ESR2: variants seen among roughly 807,000 people sequenced by gnomAD.
The protein encoded by ESR2 is estrogen receptor 2.
ESR2 carries 36 observed loss-of-function variants against 49.6 expected under a neutral mutation model. The ratio of observed to expected loss-of-function variants is 0.73; its 90% CI spans 0.56 to 0.96. The LOEUF (loss-of-function observed/expected upper bound fraction) is 0.96. Ranked by LOEUF, ESR2 falls within the 40% of genes least tolerant of loss-of-function variation. ESR2 has a pLI of 0.00. For missense variants in ESR2, 714 were observed against 693.0 expected (o/e 1.03, Z -0.34); for synonymous variants, 320 against 266.1 (o/e 1.20, Z -1.97).
intron 4 of ESR2, among the ~76,000 whole-genome samples, chr14:64,265,166 A>G (rs2076303217): frequency 6.6e-6 from 1 of 152,158 alleles, no homozygotes; most frequent in Non-Finnish European, 1.5e-5. Context: ...TGGCTTTGAC[A>G]CTGTAACCTA....
At chr14:64,266,877 A>C (rs912402816) in intron 4 of ESR2, among the ~76,000 whole-genome samples, 2 of 152,092 alleles carry the variant, frequency 1.3e-5, no homozygotes, top group Non-Finnish European at 2.9e-5. Flanking sequence ...ACTTTCAACT[A>C]AACTTCCTCC....
chr14:64,320,668 G>T (rs768282958), intron 1 of ESR2, among the ~76,000 whole-genome samples: 1 of 152,108 alleles, frequency 6.6e-6, no homozygotes, highest in African/African-American at 2.4e-5. Context: ...TGAGGCAGGC[G>T]GATCACCTGA....
chr14:64,244,266 G>A (rs1040042967), intron 7 of ESR2, among the ~76,000 whole-genome samples: 1 of 152,136 alleles, frequency 6.6e-6, no homozygotes, highest in African/African-American at 2.4e-5. Flanking sequence ...CAGGCGTGGT[G>A]GCAGATGCCT....
At chr14:64,328,648 A>G (rs759378239) in intron 1 of ESR2, among the ~76,000 whole-genome samples, 105 of 152,202 alleles carry the variant, frequency 6.9e-4, no homozygotes, top group Non-Finnish European at 1.2e-3. Flanking sequence ...AAAGAGGTTT[A>G]TTTGGCTCAC....
chr14:64,281,711 G>A (rs2076672186), intron 2 of ESR2, among the ~76,000 whole-genome samples: 1 of 152,050 alleles, frequency 6.6e-6, no homozygotes, highest in African/African-American at 2.4e-5. Flanking sequence ...TTAATAATTA[G>A]ATGGAAATAA....
upstream of ESR2, chr14:64,297,557 T>C (rs1422589528): frequency 6.6e-6 from 1 of 152,306 alleles, no homozygotes; most frequent in Admixed American, 6.5e-5. Flanking sequence ...TGCGCTGCGA[T>C]TGGACAGCGC....
At chr14:64,246,037 C>G (rs1020030928) in intron 7 of ESR2, among the ~76,000 whole-genome samples, 1 of 152,164 alleles carries the variant, frequency 6.6e-6, no homozygotes, top group Non-Finnish European at 1.5e-5. Flanking sequence ...ATTCCATGAT[C>G]AATTTCAAAT....
intron 5 of ESR2, 124 bp downstream of exon 5, chr14:64,260,325 A>C: frequency 1.0e-6 from 1 of 973,952 alleles, no homozygotes; most frequent in Non-Finnish European, 1.7e-6. Flanking sequence ...TTACAAATCC[A>C]GCTGAGGACC....
At chr14:64,324,682 C>G (rs1448883206) in intron 1 of ESR2, among the ~76,000 whole-genome samples, 1 of 152,146 alleles carries the variant, frequency 6.6e-6, no homozygotes, top group Non-Finnish European at 1.5e-5. Context: ...GAATTTCCTG[C>G]TGAAGATCTT....
At chr14:64,334,702 A>C (rs1253578798) in intron 1 of ESR2, among the ~76,000 whole-genome samples, 2 of 152,228 alleles carry the variant, frequency 1.3e-5, no homozygotes, top group Non-Finnish European at 2.9e-5. Flanking sequence ...ACTACGGTGC[A>C]ATGGTGCGAT....
intron 4 of ESR2, among the ~76,000 whole-genome samples, chr14:64,262,321 C>T (rs2076240721): frequency 6.6e-6 from 1 of 151,960 alleles, no homozygotes; most frequent in African/African-American, 2.4e-5. Context: ...CACCATGTTG[C>T]CCAGGCTGGT....
chr14:64,319,781 T>C (rs557255013), intron 1 of ESR2, among the ~76,000 whole-genome samples: 1 of 152,322 alleles, frequency 6.6e-6, no homozygotes, highest in South Asian at 2.1e-4. Context: ...CAACACCAAA[T>C]GCTGGTGAGG....
intron 1 of ESR2, among the ~76,000 whole-genome samples, chr14:64,312,284 A>G (rs918069156): frequency 4.6e-5 from 7 of 152,216 alleles, no homozygotes; most frequent in Middle Eastern, 6.3e-3. Context: ...CAAGCATGAA[A>G]TTAGGAAAAA....
In ESR2 at chr14:64,280,005, C is replaced by A. The variant is rs1450198518; in HGVS notation, c.511G>T (p.Ala171Ser). The change falls in exon 3 of 9, where the codon GCC becomes TCC. Residue 171 changes from alanine (A) to serine (S), a missense_variant. Ala to Ser is a moderately conservative substitution (Grantham distance 99). Transcript: ENST00000341099. Reference sequence around the variant, plus strand: ...CCTTGAATGCTTCTTTTAAAAAAGGCCTTACATCCTTCACACGACCAGACT... The same window carrying A: ...CCTTGAATGCTTCTTTTAAAAAAGGACTTACATCCTTCACACGACCAGACT... ...YGVWSCEGCKAFFKRSIQGHN... is the reference protein window; with the variant it reads ...YGVWSCEGCKSFFKRSIQGHN... The A allele has an allele frequency of 1.2e-6, 2 of 1,613,944 alleles. No homozygotes were observed. The highest frequency in any genetic ancestry group is 1.7e-6 in the Non-Finnish European group (2 of 1,179,950).
At chr14:64,296,314 G>A (rs889989469), upstream of ESR2, among the ~76,000 whole-genome samples, 3 of 152,178 alleles carry the variant, frequency 2.0e-5, no homozygotes, top group Non-Finnish European at 4.4e-5. Flanking sequence ...GGCTCACAGA[G>A]CTTCTGTCAG....
intron 4 of ESR2, among the ~76,000 whole-genome samples, chr14:64,264,876 C>CAAAAAAAA (rs5809224): frequency 8.4e-6 from 1 of 119,332 alleles, no homozygotes. Context: ...TACCCTGTCT[C>CAAAAAAAA]AAAAAAAAAA....
At chr14:64,249,782 A>C (rs566230741) in intron 6 of ESR2, 103 bp from the exon 7 acceptor site, 11 of 1,176,878 alleles carry the variant, frequency 9.3e-6, no homozygotes, top group Admixed American at 4.4e-5. Context: ...ATCTTGTAAC[A>C]TGTTCATCTG....
chr14:64,293,519 G>A (rs1252473967), intron 1 of ESR2, among the ~76,000 whole-genome samples: 3 of 152,208 alleles, frequency 2.0e-5, no homozygotes, highest in Non-Finnish European at 4.4e-5. Context: ...CAGGGTGTTA[G>A]AGGGCAGTTG....
At chr14:64,265,429 A>G (rs2076309314) in intron 4 of ESR2, among the ~76,000 whole-genome samples, 1 of 152,250 alleles carries the variant, frequency 6.6e-6, no homozygotes, top group Admixed American at 6.5e-5. Flanking sequence ...AAGCTCAAAT[A>G]ACTTGTCTAA....
Sources: gnomAD v4.1 joint callset for allele counts (sites outside exome capture counted in the v4.1 genomes callset) on GRCh38, gnomAD v4.1.1 for gene constraint, MANE v1.5 for transcripts, NCBI Gene and HGNC (gene_info 2026-07-23, HGNC 2026-07-21) for gene names.